Variants in H6PD observed in about 807,000 individuals in gnomAD.
H6PD encodes GDH/6PGL endoplasmic bifunctional protein.
In H6PD, 48 loss-of-function variants were observed where a neutral mutation model predicts 61.2. The ratio of observed to expected loss-of-function variants is 0.78; its 90% CI spans 0.62 to 1.00. The LOEUF is 1.00. Among genes scored for constraint, H6PD ranks in the 50% least tolerant of loss-of-function variants. H6PD has a pLI of 0.00. For synonymous variants in H6PD, 480 were observed against 457.9 expected (o/e 1.05, Z -0.62); for missense variants, 1,093 against 1,065.0 (o/e 1.03, Z -0.37).
Position 9,268,975 on chromosome 1 carries a change from C to T in H6PD, c.*4106C>T, listed in dbSNP as rs531843272. 2.6e-4 allele frequency: 39 copies of T among 152,280 alleles called. No individual in the cohort carries two copies. Among genetic ancestry groups the T allele is most frequent in the African/African-American group, 8.9e-4 (37 of 41,562 alleles). 9.4% of individuals were successfully genotyped at this position (152,280 alleles called of 1,614,324 possible). A position where few individuals can be genotyped will look rare whatever the true frequency, so the allele number is the denominator to read the frequency against. On this transcript the variant is annotated 3_prime_UTR_variant, in exon 5 of 5. Transcript: ENST00000377403. ...ATATGCAGCCTCACAGAAGCAGCCTCTGCCTCCACTTTACCAGCTACGTTT... is the reference window on the plus strand; with the variant it reads ...ATATGCAGCCTCACAGAAGCAGCCTTTGCCTCCACTTTACCAGCTACGTTT...
In H6PD at chr1:9,245,345, C is replaced by T; in HGVS notation, c.411C>T (p.Gly137=). 6.2e-7 allele frequency: 1 copy of T among 1,614,192 alleles called. No homozygotes were observed. The highest frequency in any genetic ancestry group is 1.3e-5 in the African/African-American group (1 of 75,056). ...AGCACGCAGGCCTCCGGGAGGCTGG[C>T]AGGATCTTCTACTTCTCAGTGCCAC... ...QLQHAGLREA[G]RIFYFSVPPF... Residue 137 remains glycine, a synonymous_variant, in exon 2 of 5, where the codon GGC becomes GGT. Transcript: ENST00000377403. This position sits in a 1 kb window ranked among gnomAD's most constrained non-coding sequence, Gnocchi z 4.8.
intron 3 of H6PD, among the ~76,000 whole-genome samples, chr1:9,258,608 C>T (rs145264193): frequency 0.012 from 1,786 of 150,672 alleles, 16 homozygotes; most frequent in Middle Eastern, 0.028. Context: ...CTGTTAACAC[C>T]GTTGTTATGT....
intron 3 of H6PD, among the ~76,000 whole-genome samples, chr1:9,258,758 A>G (rs969925411): frequency 2.0e-5 from 3 of 150,368 alleles, no homozygotes; most frequent in African/African-American, 4.9e-5. Flanking sequence ...GTGTTGTTAC[A>G]TTGTTATGCT....
At position 9,263,885 on chromosome 1, in the gene H6PD, T is replaced by C. The variant is rs1399577729; in HGVS notation, c.1392T>C (p.His464=). The C allele has an allele frequency of 1.2e-6, 2 of 1,614,144 alleles. No individual in the cohort carries two copies. The highest frequency in any genetic ancestry group is 2.2e-5 in the East Asian group (1 of 44,884). ...ERDAHSVLLS[H]IFHGRKNFFI... is the part of the protein sequence containing the mutation. Reference sequence around the variant, plus strand: ...ACGCCCACTCCGTCCTCTTATCCCATATCTTCCATGGCCGGAAGAATTTCT... The same window carrying C: ...ACGCCCACTCCGTCCTCTTATCCCACATCTTCCATGGCCGGAAGAATTTCT... The change falls in exon 5 of 5, where the codon CAT becomes CAC. Residue 464 remains histidine (H), a synonymous_variant. Coordinates refer to ENST00000377403, the MANE Select transcript of H6PD (RefSeq NM_004285.4).
chr1:9,263,821 T>A lies in H6PD; in HGVS notation c.1328T>A (p.Leu443Gln), dbSNP rs1452803293. 6.2e-7 allele frequency: 1 copy of A among 1,613,952 alleles called. No individual in the cohort carries two copies. The highest frequency in any genetic ancestry group is 1.3e-5 in the African/African-American group (1 of 75,068). Residue 443 changes from leucine (L) to glutamine (Q), a missense_variant, in exon 5 of 5, where the codon CTG (leucine) becomes CAG (glutamine). Coordinates refer to ENST00000377403, the MANE Select transcript of H6PD (RefSeq NM_004285.4). ...PPGLRLFGSPLSDYYAYSPVR... is the reference protein window; with the variant it reads ...PPGLRLFGSPQSDYYAYSPVR... ...GGGCTCCGCCTTTTCGGCAGCCCTCTGTCCGATTACTACGCCTACAGCCCT... is the reference window on the plus strand; with the variant it reads ...GGGCTCCGCCTTTTCGGCAGCCCTCAGTCCGATTACTACGCCTACAGCCCT...
rs146595089 is a variant in H6PD at position 9,264,426 on chromosome 1, C to T, written c.1933C>T (p.Arg645Trp). Reference protein sequence around the residue: ...GLQAHLLQHVRIPYYNIHPMP... With the variant: ...GLQAHLLQHVWIPYYNIHPMP... Reference sequence around the variant, plus strand: ...GCAGGCCCACCTGCTGCAGCACGTCCGGATCCCCTACTACAACATCCACCC... The same window carrying T: ...GCAGGCCCACCTGCTGCAGCACGTCTGGATCCCCTACTACAACATCCACCC... Residue 645 changes from arginine to tryptophan, a missense_variant, in exon 5 of 5, where the codon CGG becomes TGG. Physicochemically the swap from Arg to Trp is moderately radical, Grantham distance 101. Transcript: ENST00000377403. The T allele has an allele frequency of 6.6e-4, 1,068 of 1,612,990 alleles. 12 individuals carry two copies. The highest frequency in any genetic ancestry group is 3.9e-3 in the Middle Eastern group (24 of 6,084).
intron 1 of H6PD, among the ~76,000 whole-genome samples, chr1:9,240,855 C>T (rs979544753): frequency 6.6e-6 from 1 of 152,162 alleles, no homozygotes; most frequent in Non-Finnish European, 1.5e-5. Context: ...GAAGCAGAGC[C>T]GTGCAGCATG....
chr1:9,246,588 G>A (rs548968169), intron 2 of H6PD, among the ~76,000 whole-genome samples: 6 of 152,202 alleles, frequency 3.9e-5, no homozygotes, highest in Admixed American at 6.5e-5. Context: ...CCTCAGAACT[G>A]GGCCAGTCCT....
intron 1 of H6PD, among the ~76,000 whole-genome samples, chr1:9,238,917 C>T (rs952899426): frequency 6.6e-6 from 1 of 152,062 alleles, no homozygotes; most frequent in Non-Finnish European, 1.5e-5. Context: ...TTCAAATACA[C>T]TATAATAGAA....
Position 9,268,815 on chromosome 1 carries a change from T to C in H6PD, c.*3946T>C, listed in dbSNP as rs1388456576. ...CAATTCCGGGCCTGTCTGCTTTGCT[T>C]GTGTTTCTCCTGTCCCTGTTCTCCC... is the stretch of plus-strand genomic sequence containing the variant. On this transcript the variant is annotated 3_prime_UTR_variant, in exon 5 of 5. Coordinates refer to ENST00000377403, the MANE Select transcript of H6PD (RefSeq NM_004285.4). 2 of 152,204 alleles carry C rather than the reference T, an allele frequency of 1.3e-5. No individual in the cohort carries two copies. Among genetic ancestry groups the C allele is most frequent in the Non-Finnish European group, 2.9e-5 (2 of 68,036 alleles). The allele number at this position is 152,204 out of a possible 1,614,324, so 9.4% of individuals were successfully genotyped here.
intron 3 of H6PD, among the ~76,000 whole-genome samples, chr1:9,250,457 CTA>C: frequency 1.4e-5 from 2 of 147,958 alleles, no homozygotes; most frequent in African/African-American, 5.1e-5. Context: ...ACTCCCCACC[CTA>C]CACACACCGC....
At chr1:9,251,468 G>A (rs191414460) in intron 3 of H6PD, among the ~76,000 whole-genome samples, 1 of 128,614 alleles carries the variant, frequency 7.8e-6, no homozygotes, top group East Asian at 2.3e-4. Context: ...TGTTGTTGTT[G>A]TTGTTAGAAA....
At chr1:9,235,094 C>CGCCCCG (rs1553182824) in intron 1 of H6PD, 28 bp downstream of exon 1, 1 of 148,582 alleles carries the variant, frequency 6.7e-6, no homozygotes, top group African/African-American at 2.4e-5. Context: ...GCCCCGCCGC[C>CGCCCCG]GCCCCGGCCC....
chr1:9,236,502 C>A (rs1026577562), intron 1 of H6PD, among the ~76,000 whole-genome samples: 1 of 152,042 alleles, frequency 6.6e-6, no homozygotes, highest in Non-Finnish European at 1.5e-5. Flanking sequence ...ACTAAAAATA[C>A]AAAAATTTGC....
intron 1 of H6PD, chr1:9,239,762 C>T (rs569530951): frequency 2.9e-5 from 11 of 382,888 alleles, no homozygotes; most frequent in African/African-American, 2.3e-4. Context: ...CAGCAGCAGA[C>T]ATTGACCTTT....
At chr1:9,239,948 G>T in intron 1 of H6PD, 1 of 1,224,134 alleles carries the variant, frequency 8.2e-7, no homozygotes, top group Non-Finnish European at 1.0e-6. Context: ...GAGAACAAAG[G>T]CCGGAACCTG....
intron 2 of H6PD, 82 bp from the exon 3 acceptor site, chr1:9,246,884 G>T (rs1399709996): frequency 4.2e-6 from 4 of 943,980 alleles, no homozygotes; most frequent in Non-Finnish European, 7.0e-6. Context: ...GAATAGAAAG[G>T]TCAGAGCCCT....
chr1:9,241,780 T>G (rs2100314019), intron 1 of H6PD, among the ~76,000 whole-genome samples: 1 of 152,256 alleles, frequency 6.6e-6, no homozygotes, highest in South Asian at 2.1e-4. Flanking sequence ...TTCCTTCTTC[T>G]GCTTGACAAA....
At chr1:9,253,569 C>T (rs1255002487) in intron 3 of H6PD, among the ~76,000 whole-genome samples, 1 of 152,116 alleles carries the variant, frequency 6.6e-6, no homozygotes, top group Non-Finnish European at 1.5e-5. Context: ...AAACCCTTTT[C>T]TTTCTTAGGG....
Sources: allele counts gnomAD v4.1 joint callset (sites outside exome capture counted in the v4.1 genomes callset), GRCh38; gene constraint gnomAD v4.1.1; non-coding constraint Gnocchi (gnomAD v3.1); transcripts MANE v1.5; gene names NCBI Gene and HGNC (gene_info 2026-07-23, HGNC 2026-07-21).